SND1: variants seen among roughly 807,000 people sequenced by gnomAD.
SND1 encodes staphylococcal nuclease domain-containing protein 1.
In SND1, 38 loss-of-function variants were observed where a neutral mutation model predicts 121.7. The observed-to-expected ratio is 0.31, with a 90% CI of 0.24 to 0.41. SND1 has a LOEUF of 0.41. Among genes scored for constraint, SND1 ranks in the 10% least tolerant of loss-of-function variants. SND1 has a pLI of 1.00. For missense variants in SND1, 868 were observed against 1,184.6 expected, an observed-to-expected ratio of 0.73 and a Z score of 3.92; for synonymous variants, 401 against 447.4, an observed-to-expected ratio of 0.90 and a Z score of 1.31.
At chr7:128,014,434 C>T (rs537908735) in intron 16 of SND1, among the ~76,000 whole-genome samples, 2 of 152,304 alleles carry the variant, frequency 1.3e-5, no homozygotes, top group East Asian at 1.9e-4. Flanking sequence ...GCTGATAATA[C>T]GAGCCTGGCG....
chr7:128,030,661 C>A, intron 16 of SND1: 2 of 1,529,542 alleles, frequency 1.3e-6, no homozygotes, highest in South Asian at 2.5e-5. Context: ...GTTCATAATT[C>A]ACCATCGCCT....
chr7:127,894,445 T>C (rs968047262), intron 13 of SND1, among the ~76,000 whole-genome samples: 10 of 152,096 alleles, frequency 6.6e-5, no homozygotes, highest in Non-Finnish European at 1.3e-4. Context: ...TCTTCAGTTT[T>C]ACTAGCATTC....
chr7:127,961,941 C>T (rs1801741776), intron 15 of SND1, among the ~76,000 whole-genome samples: 1 of 152,204 alleles, frequency 6.6e-6, no homozygotes. Context: ...GCTGATTGGC[C>T]TGAATGCTCT....
intron 12 of SND1, among the ~76,000 whole-genome samples, chr7:127,849,070 A>T (rs1799119506): frequency 6.6e-6 from 1 of 152,182 alleles, no homozygotes; most frequent in Non-Finnish European, 1.5e-5. Context: ...AAATAAAAAG[A>T]TCAAACTTTG....
chr7:128,011,115 A>AAC (rs1204231154), intron 16 of SND1, among the ~76,000 whole-genome samples: 1 of 150,766 alleles, frequency 6.6e-6, no homozygotes, highest in Admixed American at 6.6e-5. Context: ...CCCACCCCCA[A>AAC]ACACACACAC....
intron 14 of SND1, among the ~76,000 whole-genome samples, chr7:127,923,471 T>C (rs1274206602): frequency 6.6e-6 from 1 of 152,144 alleles, no homozygotes; most frequent in East Asian, 1.9e-4. Context: ...AAGAGCAGTT[T>C]CAAATTTGAA....
Position 128,029,512 on chromosome 7 carries a change from G to C in SND1, c.1779+38456G>C. The C allele has an allele frequency of 1.2e-6, 2 of 1,614,078 alleles. No homozygotes were observed. Among genetic ancestry groups the C allele is most frequent in the Admixed American group, 1.7e-5 (1 of 60,012 alleles). On this transcript the variant is annotated intron_variant, in intron 16 of 23. Coordinates refer to ENST00000354725, the MANE Select transcript of SND1 (RefSeq NM_014390.4). The surrounding 1 kb of genome is among the most constrained non-coding windows in gnomAD (Gnocchi z 4.2). Reference sequence around the variant, plus strand: ...AACCACTTCACGGAGGACATAGGGGGAGTCCGACACTTAAGTTCTGCCATC... The same window carrying C: ...AACCACTTCACGGAGGACATAGGGGCAGTCCGACACTTAAGTTCTGCCATC...
intron 16 of SND1, among the ~76,000 whole-genome samples, chr7:128,034,739 C>T (rs1176379110): frequency 1.3e-5 from 2 of 152,204 alleles, no homozygotes; most frequent in Admixed American, 1.3e-4. Context: ...GGCTGCTTTG[C>T]CCCCTGTAAG....
In SND1 at chr7:127,796,079, G is replaced by A. The variant is rs189319572; in HGVS notation, c.1153-11405G>A. 1.6e-4 allele frequency among the ~76,000 whole-genome samples: 24 copies of A among 151,650 alleles called. No homozygotes were observed. The South Asian group carries it at 4.2e-3, about 26-fold the overall frequency. On this transcript the variant is annotated intron_variant, in intron 10 of 23. Transcript: ENST00000354725. ...TCACCATGTTAGCCAGGATGGTCTCGATCTCCTGACCTTGTGATCCGCCCT... is the reference window on the plus strand; with the variant it reads ...TCACCATGTTAGCCAGGATGGTCTCAATCTCCTGACCTTGTGATCCGCCCT...
chr7:127,956,807 CTCT>C (rs1801603263), intron 15 of SND1, among the ~76,000 whole-genome samples: 1 of 152,328 alleles, frequency 6.6e-6, no homozygotes, highest in African/African-American at 2.4e-5. Context: ...TTGACACTAT[CTCT>C]TGTTTATTTT....
intron 2 of SND1, among the ~76,000 whole-genome samples, chr7:127,692,830 T>C (rs967257944): frequency 6.6e-6 from 1 of 152,214 alleles, no homozygotes; most frequent in Non-Finnish European, 1.5e-5. Flanking sequence ...GACCGGTAAC[T>C]AACCAGCTGG....
chr7:127,964,101 G>T (rs1299485684), intron 15 of SND1, among the ~76,000 whole-genome samples: 1 of 148,754 alleles, frequency 6.7e-6, no homozygotes, highest in Admixed American at 6.7e-5. Context: ...TGATGGGGTT[G>T]TTTGTTTTTT....
chr7:128,074,432 T>TC (rs1016819512), intron 16 of SND1, 70 bp from the exon 17 acceptor site: 3 of 1,480,812 alleles, frequency 2.0e-6, no homozygotes, highest in Admixed American at 2.0e-5. Flanking sequence ...GCTGCTGTCC[T>TC]CCCCACGGGC....
intron 10 of SND1, among the ~76,000 whole-genome samples, chr7:127,804,185 C>T (rs1402575465): frequency 6.6e-6 from 1 of 152,066 alleles, no homozygotes; most frequent in Non-Finnish European, 1.5e-5. Context: ...GCAGGAATTG[C>T]TTTTATTTTG....
intron 16 of SND1, chr7:127,999,079 G>A (rs1430052974): frequency 2.0e-5 from 3 of 152,228 alleles, no homozygotes; most frequent in African/African-American, 7.2e-5. Flanking sequence ...CTGTAATTAT[G>A]TCATATGGGC....
At chr7:127,674,147 C>G (rs910933236) in intron 1 of SND1, among the ~76,000 whole-genome samples, 2 of 151,760 alleles carry the variant, frequency 1.3e-5, no homozygotes, top group Non-Finnish European at 2.9e-5. Flanking sequence ...CCTTCCTGCC[C>G]TCCTCCCTCC....
intron 1 of SND1, among the ~76,000 whole-genome samples, chr7:127,681,255 A>G (rs1242789419): frequency 2.0e-5 from 3 of 152,216 alleles, no homozygotes. Context: ...ACTAATGATG[A>G]AGAGCATCTT....
intron 10 of SND1, among the ~76,000 whole-genome samples, chr7:127,744,474 A>G (rs1430916401): frequency 1.3e-5 from 2 of 152,176 alleles, no homozygotes; most frequent in African/African-American, 4.8e-5. Context: ...TTGCATGTAC[A>G]GTGGGTGGAA....
chr7:127,891,281 C>A (rs1363304928), intron 13 of SND1, among the ~76,000 whole-genome samples: 1 of 151,990 alleles, frequency 6.6e-6, no homozygotes, highest in Non-Finnish European at 1.5e-5. Context: ...TGTGTCCAGG[C>A]GGGAATGCAG....
Sources: allele counts gnomAD v4.1 joint callset (sites outside exome capture counted in the v4.1 genomes callset), GRCh38; gene constraint gnomAD v4.1.1; non-coding constraint Gnocchi (gnomAD v3.1); transcripts MANE v1.5; gene names NCBI Gene and HGNC (gene_info 2026-07-23, HGNC 2026-07-21).